The following NRG1 variants were observed in gnomAD, a reference collection of about 807,000 sequenced individuals.
The protein encoded by NRG1 is neuregulin 1, also known as pro-neuregulin-1, membrane-bound isoform.
A neutral mutation model predicts 63.8 loss-of-function variants in NRG1; 18 were observed. The ratio of observed to expected loss-of-function variants is 0.28; its 90% CI spans 0.19 to 0.42. The LOEUF (loss-of-function observed/expected upper bound fraction) is 0.42, where lower values mean the gene tolerates loss of function less well. Ranked by LOEUF, NRG1 falls within the 10% of genes least tolerant of loss-of-function variation. The pLI, the probability that NRG1 is intolerant of heterozygous loss-of-function variation, is 1.00. For synonymous variants in NRG1, 302 were observed against 301.3 expected, an observed-to-expected ratio of 1.00 and a Z score of -0.02; for missense variants, 762 against 814.7, an observed-to-expected ratio of 0.94 and a Z score of 0.79.
intron 1 of NRG1, among the ~76,000 whole-genome samples, chr8:32,180,301 A>G (rs1841296341): frequency 1.3e-5 from 2 of 152,164 alleles, no homozygotes; most frequent in African/African-American, 4.8e-5. Flanking sequence ...TCTCCAGCTA[A>G]ACAATCTAAT....
At chr8:32,491,281 A>T (rs571757711) in intron 1 of NRG1, among the ~76,000 whole-genome samples, 1 of 152,372 alleles carries the variant, frequency 6.6e-6, no homozygotes, top group Non-Finnish European at 1.5e-5. Context: ...TAACCAATTT[A>T]CAAGAAAATG....
chr8:31,659,350 C>T (rs767869062), intron 1 of NRG1, among the ~76,000 whole-genome samples: 1 of 152,144 alleles, frequency 6.6e-6, no homozygotes, highest in African/African-American at 2.4e-5. Context: ...GACTTTGGGA[C>T]ATGGCACCAA....
At chr8:31,792,083 C>G (rs558947677) in intron 1 of NRG1, among the ~76,000 whole-genome samples, 1 of 152,098 alleles carries the variant, frequency 6.6e-6, no homozygotes, top group Non-Finnish European at 1.5e-5. Flanking sequence ...GAAAACTGAC[C>G]TGGAACTAGT....
intron 1 of NRG1, among the ~76,000 whole-genome samples, chr8:31,842,007 C>T (rs909461695): frequency 7.9e-5 from 12 of 152,176 alleles, no homozygotes; most frequent in Admixed American, 6.5e-5. Flanking sequence ...TCCTCCTCCT[C>T]CCCATTCTAC....
rs1362640430 is a variant in NRG1, at chr8:32,742,751, C to T, written c.691+18C>T. The T allele has an allele frequency of 6.2e-6, 10 of 1,613,744 alleles. No homozygotes were observed. In the East Asian group the frequency reaches 2.2e-4, roughly 36 times the overall value. On this transcript the variant is annotated intron_variant, in intron 7 of 11. Transcript: ENST00000356819. This position sits in a 1 kb window ranked among gnomAD's most constrained non-coding sequence, Gnocchi z 4.2. ...CTTCTACAGTACGTCCACTCCCTTTCTGTCTCTGCCTGAATAGGAGCATGC... is the reference window on the plus strand; with the variant it reads ...CTTCTACAGTACGTCCACTCCCTTTTTGTCTCTGCCTGAATAGGAGCATGC...
chr8:32,390,090 C>T (rs1425436719), intron 1 of NRG1, among the ~76,000 whole-genome samples: 2 of 151,924 alleles, frequency 1.3e-5, no homozygotes, highest in Non-Finnish European at 2.9e-5. Context: ...CATTTTTTTC[C>T]CTCCCCTTTC....
downstream of NRG1, among the ~76,000 whole-genome samples, chr8:32,771,750 C>T (rs1280650283): frequency 6.4e-5 from 9 of 139,752 alleles, no homozygotes; most frequent in African/African-American, 2.1e-4. Context: ...AGGCCTGGCA[C>T]GGTGGCTCAT....
chr8:31,744,563 T>C (rs1815659912), intron 1 of NRG1, among the ~76,000 whole-genome samples: 1 of 151,952 alleles, frequency 6.6e-6, no homozygotes, highest in African/African-American at 2.4e-5. Context: ...GATTTATTAC[T>C]GTTTTTGGTT....
At chr8:32,667,905 G>A (rs1804627258) in intron 5 of NRG1, among the ~76,000 whole-genome samples, 1 of 152,068 alleles carries the variant, frequency 6.6e-6, no homozygotes, top group South Asian at 2.1e-4. Context: ...GGATCATTAT[G>A]CCACTCCTTT....
chr8:31,937,076 T>C lies in NRG1; in HGVS notation c.37+297645T>C, dbSNP rs530190403. Among the ~76,000 whole-genome samples the C allele has an allele frequency of 2.0e-4, 31 of 152,372 alleles. 1 individual carries two copies. In the South Asian group the frequency reaches 6.2e-3, roughly 31 times the overall value. On this transcript the variant is annotated intron_variant, in intron 1 of 10. Transcript: ENST00000519301. Reference sequence around the variant, plus strand: ...TGCCAACATCTCATACATAAACTTATATAAGCTTCTACAACCCCTCCCAGA... The same window carrying C: ...TGCCAACATCTCATACATAAACTTACATAAGCTTCTACAACCCCTCCCAGA...
chr8:32,447,424 A>G (rs928963431), intron 1 of NRG1, among the ~76,000 whole-genome samples: 3 of 152,160 alleles, frequency 2.0e-5, no homozygotes, highest in African/African-American at 7.2e-5. Context: ...AATAACAATG[A>G]AGCTAATCAC....
At position 32,568,036 on chromosome 8, in the gene NRG1, G is replaced by T. The variant is rs144685741; in HGVS notation, c.100+19210G>T. Among the ~76,000 whole-genome samples the T allele has an allele frequency of 7.0e-3, 1,062 of 152,296 alleles. 10 individuals are homozygous for T. The highest frequency in any genetic ancestry group is 0.023 in the African/African-American group (974 of 41,564). ...TGATGGGATTTGGACCATTCCCTGG[G>T]CTAGAAAGTAGTGTTAAAATCAACT... On this transcript the variant is annotated intron_variant, in intron 1 of 11. Coordinates refer to ENST00000356819, the Ensembl canonical transcript of NRG1.
At chr8:32,411,707 C>A (rs956259222) in intron 1 of NRG1, among the ~76,000 whole-genome samples, 3 of 152,140 alleles carry the variant, frequency 2.0e-5, no homozygotes, top group African/African-American at 7.2e-5. Flanking sequence ...CCACACATAA[C>A]CCTATTAAAA....
intron 1 of NRG1, among the ~76,000 whole-genome samples, chr8:32,577,194 T>A (rs370383490): frequency 2.0e-5 from 3 of 152,350 alleles, no homozygotes; most frequent in African/African-American, 7.2e-5. Flanking sequence ...AGTGTGTATA[T>A]ACTACATTTC....
rs534317228 is a variant in NRG1 at position 32,602,219 on chromosome 8, T to A, written c.279-3343T>A. Among the ~76,000 whole-genome samples, 6 of 152,292 alleles carry A rather than the reference T, an allele frequency of 3.9e-5. No homozygotes were observed. In the South Asian group the frequency reaches 1.2e-3, roughly 32 times the overall value. On this transcript the variant is annotated intron_variant, in intron 2 of 11. Transcript: ENST00000356819. Reference sequence around the variant, plus strand: ...GTAAAGAGACCTATTTAACTTTTTTTAATGCAACATTTATTTTAGCATAGA... The same window carrying A: ...GTAAAGAGACCTATTTAACTTTTTTAAATGCAACATTTATTTTAGCATAGA...
chr8:31,655,343 G>T (rs1247151132), intron 1 of NRG1, among the ~76,000 whole-genome samples: 1 of 152,168 alleles, frequency 6.6e-6, no homozygotes, highest in Non-Finnish European at 1.5e-5. Context: ...TGAGGGAAAA[G>T]TACAAGGTCC....
intron 1 of NRG1, among the ~76,000 whole-genome samples, chr8:32,087,516 C>G (rs1308523540): frequency 2.0e-5 from 2 of 101,422 alleles, no homozygotes; most frequent in African/African-American, 8.5e-5. Flanking sequence ...GACTGTCACT[C>G]TGTCACTCAG....
At chr8:31,897,952 G>A (rs1467549100) in intron 1 of NRG1, among the ~76,000 whole-genome samples, 1 of 149,872 alleles carries the variant, frequency 6.7e-6, no homozygotes, top group East Asian at 2.0e-4. Context: ...CGGAGACAGA[G>A]GTTGCAATGA....
chr8:32,361,409 C>T (rs1240762378), intron 1 of NRG1, among the ~76,000 whole-genome samples: 4 of 152,164 alleles, frequency 2.6e-5, no homozygotes, highest in African/African-American at 9.7e-5. Context: ...GCCCTGTATG[C>T]ATCTGGAAGT....
Sources: allele counts gnomAD v4.1 joint callset (sites outside exome capture counted in the v4.1 genomes callset), GRCh38; gene constraint gnomAD v4.1.1; non-coding constraint Gnocchi (gnomAD v3.1); transcripts MANE v1.5; gene names NCBI Gene and HGNC (gene_info 2026-07-23, HGNC 2026-07-21).